The following PLEKHA5 variants were observed in gnomAD, a reference collection of about 807,000 sequenced individuals.
The protein encoded by PLEKHA5 is pleckstrin homology domain-containing family A member 5.
A neutral mutation model predicts 181.9 loss-of-function variants in PLEKHA5; 55 were observed. That is an observed-to-expected ratio of 0.30 (90% CI 0.24 to 0.38). PLEKHA5 has a LOEUF of 0.38. Among genes scored for constraint, PLEKHA5 ranks in the 10% least tolerant of loss-of-function variants. PLEKHA5 has a pLI of 1.00. For missense variants in PLEKHA5, 1,432 were observed against 1,549.5 expected (o/e 0.92, Z 1.27); for synonymous variants, 535 against 529.4 (o/e 1.01, Z -0.15).
At chr12:19,164,909 A>G (rs192143600) in intron 3 of PLEKHA5, among the ~76,000 whole-genome samples, 74 of 152,190 alleles carry the variant, frequency 4.9e-4, no homozygotes, top group African/African-American at 1.6e-3. Context: ...AGATATTCCA[A>G]AGTAAACACA....
chr12:19,316,843 G>A (rs1271886624), intron 16 of PLEKHA5, among the ~76,000 whole-genome samples: 1 of 152,130 alleles, frequency 6.6e-6, no homozygotes, highest in African/African-American at 2.4e-5. Flanking sequence ...TTATTATCCA[G>A]GGAAAATGTA....
chr12:19,206,074 T>C (rs2055413303), intron 3 of PLEKHA5, among the ~76,000 whole-genome samples: 1 of 152,126 alleles, frequency 6.6e-6, no homozygotes, highest in Admixed American at 6.6e-5. Flanking sequence ...ATTCTATCTT[T>C]ATTTACTGAT....
chr12:19,350,872 AATT>A (rs2094558922), intron 25 of PLEKHA5, among the ~76,000 whole-genome samples: 1 of 152,152 alleles, frequency 6.6e-6, no homozygotes, highest in African/African-American at 2.4e-5. Context: ...TCGTTTTTTA[AATT>A]TAAAAATACT....
At chr12:19,176,966 C>T (rs558828399) in intron 3 of PLEKHA5, among the ~76,000 whole-genome samples, 2 of 152,060 alleles carry the variant, frequency 1.3e-5, no homozygotes, top group Non-Finnish European at 2.9e-5. Context: ...CTGGTTCAAG[C>T]GAGTCTCTCT....
Position 19,132,390 on chromosome 12 carries a change from T to C in PLEKHA5, c.170-3T>C. The C allele has an allele frequency of 6.9e-7, 1 of 1,456,796 alleles. No homozygotes were observed. Among genetic ancestry groups the C allele is most frequent in the Non-Finnish European group, 9.6e-7 (1 of 1,045,730 alleles). 90.2% of individuals were successfully genotyped at this position (1,456,796 alleles called of 1,614,324 possible). A position where few individuals can be genotyped will look rare whatever the true frequency, so the allele number is the denominator to read the frequency against. ...ACTAATTGTAATATATGTATTGTTT[T>C]AGATTTGCCTACTGGCTGGGAAGAA... On this transcript the variant is annotated splice_region_variant and splice_polypyrimidine_tract_variant and intron_variant, in intron 2 of 31. Coordinates refer to ENST00000429027, the MANE Select transcript of PLEKHA5 (RefSeq NM_001256470.2).
intron 3 of PLEKHA5, among the ~76,000 whole-genome samples, chr12:19,209,928 A>T (rs2056571171): frequency 6.6e-6 from 1 of 152,208 alleles, no homozygotes; most frequent in African/African-American, 2.4e-5. Flanking sequence ...GCTCCTGCTC[A>T]TTCCTCTCAT....
chr12:19,177,564 GC>G (rs1400292628), intron 3 of PLEKHA5, among the ~76,000 whole-genome samples: 1 of 152,188 alleles, frequency 6.6e-6, no homozygotes, highest in Non-Finnish European at 1.5e-5. Flanking sequence ...CACCCACAGT[GC>G]CGTGTTGTCC....
intron 3 of PLEKHA5, among the ~76,000 whole-genome samples, chr12:19,227,234 C>G (rs2059824719): frequency 6.6e-6 from 1 of 151,576 alleles, no homozygotes; most frequent in Admixed American, 6.6e-5. Flanking sequence ...ATCCACTCTT[C>G]CTTCCAACTT....
chr12:19,343,472 A>G (rs1196088531), intron 22 of PLEKHA5, 38 bp downstream of exon 22: 2 of 1,110,076 alleles, frequency 1.8e-6, no homozygotes, highest in Non-Finnish European at 2.8e-6. Flanking sequence ...GACTGACCAC[A>G]GTATTACAGT....
intron 3 of PLEKHA5, among the ~76,000 whole-genome samples, chr12:19,167,876 G>A (rs1167351509): frequency 1.3e-5 from 2 of 152,102 alleles, no homozygotes; most frequent in East Asian, 3.9e-4. Context: ...TGGGTGGCTG[G>A]AGGTTTTCAT....
At chr12:19,283,149 C>A (rs79070063) in intron 11 of PLEKHA5, 131 bp from the exon 12 acceptor site, 63 of 204,084 alleles carry the variant, frequency 3.1e-4, no homozygotes, top group African/African-American at 8.0e-4. Context: ...TCTTGTCTCC[C>A]AAAAAAAAAA....
intron 3 of PLEKHA5, among the ~76,000 whole-genome samples, chr12:19,179,169 A>T (rs1251568064): frequency 6.6e-6 from 1 of 152,222 alleles, no homozygotes; most frequent in African/African-American, 2.4e-5. Flanking sequence ...GCTGCTTTAT[A>T]TAACAATTGT....
intron 20 of PLEKHA5, among the ~76,000 whole-genome samples, chr12:19,328,445 A>G (rs751070462): frequency 6.6e-6 from 1 of 152,164 alleles, no homozygotes; most frequent in Non-Finnish European, 1.5e-5. Context: ...CTTCTAATCC[A>G]TGAACATGGA....
At chr12:19,368,946 GCATAGAA>G (rs1002528337) in intron 30 of PLEKHA5, among the ~76,000 whole-genome samples, 1 of 54,190 alleles carries the variant, frequency 1.8e-5, no homozygotes, top group African/African-American at 4.0e-5. Context: ...GTATTTAGCT[GCATAGAA>G]CTAAAAAAAG....
At chr12:19,312,335 G>A (rs1398659309) in intron 15 of PLEKHA5, among the ~76,000 whole-genome samples, 2 of 152,172 alleles carry the variant, frequency 1.3e-5, no homozygotes, top group Non-Finnish European at 2.9e-5. Flanking sequence ...TTGGAGCCAG[G>A]CATTGACTTT....
intron 20 of PLEKHA5, among the ~76,000 whole-genome samples, chr12:19,326,288 A>G (rs2092071619): frequency 6.6e-6 from 1 of 152,214 alleles, no homozygotes; most frequent in Non-Finnish European, 1.5e-5. Flanking sequence ...CATGTGCATA[A>G]CATCATACTG....
intron 20 of PLEKHA5, among the ~76,000 whole-genome samples, chr12:19,323,016 ATTTTTTTTTT>A (rs538132540): frequency 7.5e-5 from 7 of 92,756 alleles, no homozygotes; most frequent in Middle Eastern, 0.013. Flanking sequence ...ACCTGGCTAG[ATTTTTTTTTT>A]TTTTTTTTTT....
chr12:19,341,958 C>T (rs569929339), intron 21 of PLEKHA5, among the ~76,000 whole-genome samples: 1 of 152,260 alleles, frequency 6.6e-6, no homozygotes, highest in South Asian at 2.1e-4. Context: ...GTCTTGAACT[C>T]CTGAGCTTAA....
intron 12 of PLEKHA5, among the ~76,000 whole-genome samples, chr12:19,286,780 A>T (rs2077290958): frequency 6.6e-6 from 1 of 151,944 alleles, no homozygotes. Context: ...AGCCTGGCCA[A>T]CATGGTGAAA....
Sources: gnomAD v4.1 joint callset for allele counts (sites outside exome capture counted in the v4.1 genomes callset) on GRCh38, gnomAD v4.1.1 for gene constraint, MANE v1.5 for transcripts, NCBI Gene and HGNC (gene_info 2026-07-23, HGNC 2026-07-21) for gene names.